GABRG3: variants seen among roughly 807,000 people sequenced by gnomAD.
The protein encoded by GABRG3 is gamma-aminobutyric acid type A receptor subunit gamma3, also known as gamma-aminobutyric acid receptor subunit gamma-3.
GABRG3 carries 25 observed loss-of-function variants against 48.8 expected under a neutral mutation model. The ratio of observed to expected loss-of-function variants is 0.51; its 90% confidence interval spans 0.37 to 0.72. GABRG3 has a LOEUF of 0.72. GABRG3 is among the 30% of genes least tolerant of loss of function. GABRG3 has a pLI of 0.00. For missense variants in GABRG3, 394 were observed against 577.9 expected (o/e 0.68, Z 3.26); for synonymous variants, 227 against 217.6 (o/e 1.04, Z -0.38).
At chr15:27,355,416 A>C (rs1028184426) in intron 5 of GABRG3, among the ~76,000 whole-genome samples, 3 of 152,066 alleles carry the variant, frequency 2.0e-5, no homozygotes, top group Non-Finnish European at 4.4e-5. Flanking sequence ...TGTAAAATCA[A>C]ACCCACATGA....
chr15:27,006,838 G>GT (rs1052287683), intron 2 of GABRG3, among the ~76,000 whole-genome samples: 224 of 135,914 alleles, frequency 1.6e-3, no homozygotes, highest in Admixed American at 2.5e-3. Context: ...GATCTCGTTT[G>GT]TTTTTTTTTT....
chr15:27,315,812 T>C (rs1319006286), intron 3 of GABRG3, among the ~76,000 whole-genome samples: 2 of 152,242 alleles, frequency 1.3e-5, no homozygotes, highest in African/African-American at 4.8e-5. Flanking sequence ...ATGAAGCCTA[T>C]ATGTAGCTTA....
intron 3 of GABRG3, among the ~76,000 whole-genome samples, chr15:27,040,543 T>G (rs1896257771): frequency 6.6e-6 from 1 of 152,174 alleles, no homozygotes; most frequent in African/African-American, 2.4e-5. Context: ...CAGAAGAAAG[T>G]CTTTTAAAAT....
At chr15:27,174,594 C>CTCTT (rs1887684101) in intron 3 of GABRG3, among the ~76,000 whole-genome samples, 2 of 149,802 alleles carry the variant, frequency 1.3e-5, no homozygotes, top group African/African-American at 4.9e-5. Flanking sequence ...GTCTCTCTCT[C>CTCTT]TCTCTCTCTC....
At chr15:27,252,558 G>T (rs928125803) in intron 3 of GABRG3, among the ~76,000 whole-genome samples, 2 of 152,200 alleles carry the variant, frequency 1.3e-5, no homozygotes, top group Non-Finnish European at 2.9e-5. Flanking sequence ...AAACCCGCTG[G>T]TCCTCTGAGG....
At chr15:27,261,629 T>C (rs1441645506) in intron 3 of GABRG3, among the ~76,000 whole-genome samples, 1 of 151,890 alleles carries the variant, frequency 6.6e-6, no homozygotes, top group Non-Finnish European at 1.5e-5. Flanking sequence ...ATATGAAATA[T>C]ATTTGATATT....
At chr15:27,309,202 T>G (rs1181019102) in intron 3 of GABRG3, among the ~76,000 whole-genome samples, 1 of 126,416 alleles carries the variant, frequency 7.9e-6, no homozygotes, top group African/African-American at 3.6e-5. Context: ...AATGTAAACA[T>G]AGATGTTTGT....
chr15:26,975,401 A>G lies in GABRG3; in HGVS notation c.54-1601A>G, dbSNP rs1227115454. Reference sequence around the variant, plus strand: ...CTTCTAGCCAATAGGTACTCAAGAAATAGAGTTATACTTTAAGATCAGCCT... The same window carrying G: ...CTTCTAGCCAATAGGTACTCAAGAAGTAGAGTTATACTTTAAGATCAGCCT... On this transcript the variant is annotated intron_variant, in intron 1 of 9. Coordinates refer to ENST00000615808, the MANE Select transcript of GABRG3 (RefSeq NM_033223.5). This position sits in a 1 kb window ranked among gnomAD's most constrained non-coding sequence, Gnocchi z 4.6. Among the ~76,000 whole-genome samples the G allele has an allele frequency of 6.6e-6, 1 of 152,198 alleles. No homozygotes were observed. Among genetic ancestry groups the G allele is most frequent in the Non-Finnish European group, 1.5e-5 (1 of 68,032 alleles).
intron 2 of GABRG3, among the ~76,000 whole-genome samples, chr15:26,988,325 G>C (rs557155747): frequency 1.3e-5 from 2 of 152,222 alleles, no homozygotes; most frequent in African/African-American, 4.8e-5. Flanking sequence ...ATTACCAGGG[G>C]TAAATGCATT....
At chr15:27,357,618 G>A (rs1894884466) in intron 5 of GABRG3, among the ~76,000 whole-genome samples, 1 of 152,172 alleles carries the variant, frequency 6.6e-6, no homozygotes, top group African/African-American at 2.4e-5. Context: ...CAGTGACATT[G>A]TTTTACATTT....
intron 6 of GABRG3, among the ~76,000 whole-genome samples, chr15:27,501,473 C>T (rs1233010979): frequency 6.6e-6 from 1 of 152,046 alleles, no homozygotes; most frequent in Non-Finnish European, 1.5e-5. Context: ...ATGTCAGTCA[C>T]CTCAGAGATG....
chr15:27,476,695 A>G (rs1889949365), intron 5 of GABRG3, among the ~76,000 whole-genome samples: 1 of 152,264 alleles, frequency 6.6e-6, no homozygotes, highest in African/African-American at 2.4e-5. Flanking sequence ...CACATCATGA[A>G]GAATGCCAAC....
chr15:27,213,686 T>C (rs970305048), intron 3 of GABRG3, among the ~76,000 whole-genome samples: 2 of 152,226 alleles, frequency 1.3e-5, no homozygotes, highest in Admixed American at 1.3e-4. Context: ...GTAACACTTA[T>C]GCACAGAGCT....
chr15:27,509,960 T>G (rs780242369), intron 6 of GABRG3, among the ~76,000 whole-genome samples: 24 of 152,196 alleles, frequency 1.6e-4, no homozygotes, highest in Non-Finnish European at 2.9e-5. Flanking sequence ...CTCAGATACA[T>G]TTTATGTATG....
chr15:27,349,645 C>A (rs1894489557), intron 5 of GABRG3, among the ~76,000 whole-genome samples: 1 of 152,182 alleles, frequency 6.6e-6, no homozygotes, highest in South Asian at 2.1e-4. Flanking sequence ...GTCTCCTTCT[C>A]CTTGCAAACC....
chr15:27,374,883 A>G (rs914351204), intron 5 of GABRG3, among the ~76,000 whole-genome samples: 14 of 152,208 alleles, frequency 9.2e-5, no homozygotes, highest in African/African-American at 3.4e-4. Flanking sequence ...ATGAACATCA[A>G]CTGACAAAAG....
At chr15:27,075,323 G>C (rs924632176) in intron 3 of GABRG3, among the ~76,000 whole-genome samples, 1 of 152,150 alleles carries the variant, frequency 6.6e-6, no homozygotes. Flanking sequence ...AAATGATTAC[G>C]TGTGGAGGCT....
At chr15:27,159,342 T>C (rs1376739050) in intron 3 of GABRG3, among the ~76,000 whole-genome samples, 1 of 151,924 alleles carries the variant, frequency 6.6e-6, no homozygotes, top group Non-Finnish European at 1.5e-5. Flanking sequence ...TTTGGCCAAG[T>C]GTGCTGGTGC....
intron 3 of GABRG3, among the ~76,000 whole-genome samples, chr15:27,209,468 G>A (rs1040099977): frequency 2.0e-5 from 3 of 151,596 alleles, no homozygotes; most frequent in Admixed American, 6.6e-5. Context: ...CGGCCCGGCC[G>A]GTGCTTCTTA....
Sources: allele counts gnomAD v4.1 joint callset (sites outside exome capture counted in the v4.1 genomes callset), GRCh38; gene constraint gnomAD v4.1.1; non-coding constraint Gnocchi (gnomAD v3.1); transcripts MANE v1.5; gene names NCBI Gene and HGNC (gene_info 2026-07-23, HGNC 2026-07-21).